The following GRM8 variants were observed in gnomAD, a reference collection of about 807,000 sequenced individuals.
GRM8 encodes the protein glutamate metabotropic receptor 8.
A neutral mutation model predicts 87.2 loss-of-function variants in GRM8; 47 were observed. The ratio of observed to expected loss-of-function variants is 0.54; its 90% CI spans 0.43 to 0.69. The LOEUF (loss-of-function observed/expected upper bound fraction) is 0.69, where lower values mean the gene tolerates loss of function less well. Ranked by LOEUF, GRM8 falls within the 30% of genes least tolerant of loss-of-function variation. The probability of loss-of-function intolerance (pLI) is 0.00; values close to 1 mark genes in which losing one functional copy is unlikely to be tolerated. For missense variants in GRM8, 1,019 were observed against 1,139.2 expected (o/e 0.89, Z 1.52); for synonymous variants, 396 against 404.5 (o/e 0.98, Z 0.25).
chr7:126,853,283 A>G (rs1403435945), intron 6 of GRM8, among the ~76,000 whole-genome samples: 1 of 152,204 alleles, frequency 6.6e-6, no homozygotes, highest in African/African-American at 2.4e-5. Flanking sequence ...TTTGATCTGT[A>G]ACATGTAATA....
chr7:126,496,755 G>A (rs1174324457), intron 9 of GRM8, among the ~76,000 whole-genome samples: 2 of 151,938 alleles, frequency 1.3e-5, no homozygotes, highest in Non-Finnish European at 2.9e-5. Flanking sequence ...GAACTAGTAG[G>A]ATGGTTGTAG....
intron 9 of GRM8, among the ~76,000 whole-genome samples, chr7:126,461,051 A>G (rs927079938): frequency 6.6e-6 from 1 of 151,390 alleles, no homozygotes; most frequent in Admixed American, 6.6e-5. Context: ...CATTAACTTC[A>G]TTGATGTCCT....
At chr7:126,544,671 T>G (rs1241764057) in intron 8 of GRM8, among the ~76,000 whole-genome samples, 2 of 151,888 alleles carry the variant, frequency 1.3e-5, no homozygotes, top group Non-Finnish European at 2.9e-5. Flanking sequence ...CACCACGCCC[T>G]GCTAATTTTT....
rs530565287 is a variant in GRM8 at position 126,445,961 on chromosome 7, T to C, written c.2677+165A>G. The C allele has an allele frequency of 1.2e-3, 968 of 774,582 alleles. 4 individuals are homozygous for C. The highest frequency in any genetic ancestry group is 5.5e-3 in the Middle Eastern group (19 of 3,470). The allele number at this position is 774,582 out of a possible 1,614,324, so 48.0% of individuals were successfully genotyped here. A position where few individuals can be genotyped will look rare whatever the true frequency, so the allele number is the denominator to read the frequency against. ...AGAACAGCCGCTCATCTTGAGACCA[T>C]TTGCTTCGAATGGTTTTAAATGTGA... On this transcript the variant is annotated intron_variant, in intron 10 of 10. Transcript: ENST00000339582.
At chr7:127,221,409 C>T (rs1024969976) in intron 2 of GRM8, among the ~76,000 whole-genome samples, 1 of 152,102 alleles carries the variant, frequency 6.6e-6, no homozygotes, top group Non-Finnish European at 1.5e-5. Flanking sequence ...CTAATCTTCT[C>T]GAGAGAACCA....
intron 3 of GRM8, among the ~76,000 whole-genome samples, chr7:127,008,220 C>A (rs906491754): frequency 6.6e-6 from 1 of 151,954 alleles, no homozygotes; most frequent in Admixed American, 6.6e-5. Flanking sequence ...CTCATGTAGA[C>A]CCAAATATCC....
At chr7:127,205,858 C>T (rs1036035771) in intron 2 of GRM8, among the ~76,000 whole-genome samples, 1 of 152,058 alleles carries the variant, frequency 6.6e-6, no homozygotes, top group Non-Finnish European at 1.5e-5. Context: ...ATCTCTTTCC[C>T]TCATCTCTCT....
chr7:126,585,727 C>T (rs1403686898), intron 8 of GRM8, among the ~76,000 whole-genome samples: 1 of 152,140 alleles, frequency 6.6e-6, no homozygotes, highest in African/African-American at 2.4e-5. Flanking sequence ...CAATATCATA[C>T]TGAATGGGCA....
intron 2 of GRM8, among the ~76,000 whole-genome samples, chr7:127,178,133 G>A (rs2116383955): frequency 6.6e-6 from 1 of 152,240 alleles, no homozygotes; most frequent in Non-Finnish European, 1.5e-5. Flanking sequence ...ATTATTCAAG[G>A]AAGTAGATAG....
chr7:126,751,843 G>A (rs1420635513), intron 7 of GRM8, among the ~76,000 whole-genome samples: 1 of 152,144 alleles, frequency 6.6e-6, no homozygotes, highest in African/African-American at 2.4e-5. Flanking sequence ...GTGATCTTTG[G>A]TCAGCCACTG....
In GRM8 at chr7:126,911,247, T is replaced by C. The variant is rs552992555; in HGVS notation, c.728-6564A>G. ...TGTGCCAATAGATGAAATGACTAGA[T>C]TTCACTCTTCATCATTGTTGATTAC... On this transcript the variant is annotated intron_variant, in intron 3 of 10. Coordinates refer to ENST00000339582, the MANE Select transcript of GRM8 (RefSeq NM_000845.3). 5.9e-5 allele frequency among the ~76,000 whole-genome samples: 9 copies of C among 152,306 alleles called. No individual in the cohort carries two copies. The South Asian group carries it at 1.9e-3, about 32-fold the overall frequency.
chr7:126,964,114 T>G (rs1475001049), intron 3 of GRM8, among the ~76,000 whole-genome samples: 1 of 152,206 alleles, frequency 6.6e-6, no homozygotes, highest in Admixed American at 6.5e-5. Context: ...GCTAGCCATA[T>G]GCAGAAAACT....
At chr7:126,968,884 C>A (rs192215377) in intron 3 of GRM8, among the ~76,000 whole-genome samples, 1 of 151,982 alleles carries the variant, frequency 6.6e-6, no homozygotes, top group Admixed American at 6.6e-5. Flanking sequence ...ATTTAGTCAC[C>A]CCACAATGTA....
chr7:126,486,443 C>T (rs552026991), intron 9 of GRM8, among the ~76,000 whole-genome samples: 5 of 152,134 alleles, frequency 3.3e-5, no homozygotes, highest in African/African-American at 1.2e-4. Context: ...ACCTTGTCAG[C>T]ATATATCCCT....
At chr7:126,587,408 CAA>C (rs1796251154) in intron 8 of GRM8, among the ~76,000 whole-genome samples, 1 of 152,100 alleles carries the variant, frequency 6.6e-6, no homozygotes, top group African/African-American at 2.4e-5. Context: ...TTCACAATAG[CAA>C]AGACTTGGAA....
chr7:126,990,000 C>T (rs146250651), intron 3 of GRM8, among the ~76,000 whole-genome samples: 102 of 152,076 alleles, frequency 6.7e-4, no homozygotes, highest in African/African-American at 1.9e-3. Context: ...CCGAAGCCCT[C>T]GGGCGGAAAA....
At chr7:126,563,297 T>TAAA (rs59304756) in intron 8 of GRM8, among the ~76,000 whole-genome samples, 478 of 149,634 alleles carry the variant, frequency 3.2e-3, no homozygotes, top group South Asian at 8.0e-3. Flanking sequence ...GGTTTTTTTT[T>TAAA]AAAAAAAAAA....
rs181166041 is a variant in GRM8 at position 126,645,275 on chromosome 7, C to T, written c.1358-35777G>A. ...AGAAGTCACAAGATCTCTGACTTCTCCAATTGCTCCTATAGATAACATCAT... is the reference window on the plus strand; with the variant it reads ...AGAAGTCACAAGATCTCTGACTTCTTCAATTGCTCCTATAGATAACATCAT... On this transcript the variant is annotated intron_variant, in intron 7 of 10. Transcript: ENST00000339582. Among the ~76,000 whole-genome samples the T allele has an allele frequency of 1.1e-3, 165 of 152,302 alleles. 2 individuals are homozygous for T. The highest frequency in any genetic ancestry group is 8.5e-3 in the South Asian group (41 of 4,820).
At chr7:127,071,003 T>A (rs1821630060) in intron 3 of GRM8, among the ~76,000 whole-genome samples, 1 of 152,202 alleles carries the variant, frequency 6.6e-6, no homozygotes, top group Admixed American at 6.5e-5. Flanking sequence ...AATAGGTACC[T>A]TCGTTTTACC....
Sources: gnomAD v4.1 joint callset for allele counts (sites outside exome capture counted in the v4.1 genomes callset) on GRCh38, gnomAD v4.1.1 for gene constraint, MANE v1.5 for transcripts, NCBI Gene and HGNC (gene_info 2026-07-23, HGNC 2026-07-21) for gene names.